The following NTM variants were observed in gnomAD, a reference collection of about 807,000 sequenced individuals.
NTM encodes the protein IgLON family member 2.
Under a neutral mutation model 42.1 loss-of-function variants are expected in NTM, and 13 were observed. The observed-to-expected ratio is 0.31, with a 90% CI of 0.20 to 0.49. NTM has a LOEUF of 0.49. Among genes scored for constraint, NTM ranks in the 20% least tolerant of loss-of-function variants. The pLI is 0.99. For synonymous variants in NTM, 187 were observed against 179.2 expected (o/e 1.04, Z -0.35); for missense variants, 373 against 452.8 (o/e 0.82, Z 1.60).
intron 3 of NTM, among the ~76,000 whole-genome samples, chr11:132,203,619 C>T (rs115902457): frequency 3.0e-3 from 456 of 152,232 alleles, no homozygotes; most frequent in African/African-American, 0.01. Flanking sequence ...AAACACTGCG[C>T]GGTGGCACAT....
chr11:131,487,095 C>T (rs538846173), intron 1 of NTM, among the ~76,000 whole-genome samples: 44 of 152,216 alleles, frequency 2.9e-4, no homozygotes, highest in Non-Finnish European at 5.4e-4. Context: ...GATCCTGGCT[C>T]CACCACCAGG....
chr11:132,018,832 G>A (rs1029278240), intron 2 of NTM, among the ~76,000 whole-genome samples: 2 of 151,926 alleles, frequency 1.3e-5, no homozygotes, highest in Non-Finnish European at 2.9e-5. Context: ...ATTCACTTCC[G>A]AAGTCACAGA....
chr11:132,001,382 C>A (rs892241400), intron 2 of NTM, among the ~76,000 whole-genome samples: 3 of 152,148 alleles, frequency 2.0e-5, no homozygotes, highest in African/African-American at 7.2e-5. Flanking sequence ...GCCATTCTGG[C>A]ATTACTATAA....
At chr11:131,443,694 T>C (rs907260624) in intron 1 of NTM, among the ~76,000 whole-genome samples, 2 of 152,208 alleles carry the variant, frequency 1.3e-5, no homozygotes, top group African/African-American at 4.8e-5. Context: ...GAAGCAGCTA[T>C]GGGAACTCAC....
chr11:132,140,170 G>C (rs2068790966), intron 2 of NTM, among the ~76,000 whole-genome samples: 1 of 152,144 alleles, frequency 6.6e-6, no homozygotes, highest in Non-Finnish European at 1.5e-5. Flanking sequence ...GGGGCATCAG[G>C]AACAGAGCTG....
intron 1 of NTM, among the ~76,000 whole-genome samples, chr11:131,873,993 T>TATAA (rs2048181796): frequency 8.1e-6 from 1 of 123,662 alleles, no homozygotes; most frequent in Admixed American, 1.1e-4. Context: ...ATTATATATA[T>TATAA]TATATTTACA....
intron 1 of NTM, among the ~76,000 whole-genome samples, chr11:131,708,237 ATTC>A (rs2076781002): frequency 6.6e-6 from 1 of 152,166 alleles, no homozygotes; most frequent in African/African-American, 2.4e-5. Context: ...AAAAACATGA[ATTC>A]TTCAATAGTA....
chr11:131,410,649 C>T (rs1341656763), intron 1 of NTM, among the ~76,000 whole-genome samples: 1 of 150,958 alleles, frequency 6.6e-6, no homozygotes, highest in African/African-American at 2.4e-5. Flanking sequence ...GTAATTATGT[C>T]GCCTTAACGG....
intron 2 of NTM, among the ~76,000 whole-genome samples, chr11:132,107,339 CTTTTTTTTTTTTTTTT>C (rs780844735): frequency 2.3e-5 from 2 of 88,858 alleles, no homozygotes; most frequent in African/African-American, 5.0e-5. Flanking sequence ...AAGATTTATC[CTTTTTTTTTTTTTTTT>C]TTTTTTTTTT....
At chr11:131,941,918 C>T (rs1227951740) in intron 2 of NTM, among the ~76,000 whole-genome samples, 1 of 152,130 alleles carries the variant, frequency 6.6e-6, no homozygotes, top group Non-Finnish European at 1.5e-5. Context: ...TATTAAAGAA[C>T]ACACTTACAG....
At chr11:131,678,117 C>A (rs1011707177) in intron 1 of NTM, among the ~76,000 whole-genome samples, 2 of 152,236 alleles carry the variant, frequency 1.3e-5, no homozygotes, top group African/African-American at 4.8e-5. Context: ...TTCCGGGGCC[C>A]CTGGTAACAA....
chr11:132,200,270 G>A (rs1055857380), intron 3 of NTM, among the ~76,000 whole-genome samples: 4 of 152,116 alleles, frequency 2.6e-5, no homozygotes, highest in African/African-American at 7.2e-5. Flanking sequence ...TGTCTTCCTC[G>A]CAGCTGCCTA....
intron 1 of NTM, among the ~76,000 whole-genome samples, chr11:131,905,265 G>C (rs533486618): frequency 1.3e-5 from 2 of 152,330 alleles, no homozygotes; most frequent in East Asian, 3.9e-4. Context: ...CTTCTGGTCT[G>C]AGTCTAAAAC....
In NTM at chr11:131,560,651, T is replaced by C. The variant is rs139001470; in HGVS notation, c.82+189763T>C. Among the ~76,000 whole-genome samples the C allele has an allele frequency of 6.7e-4, 102 of 152,360 alleles. No individual in the cohort carries two copies. In the East Asian group the frequency reaches 0.016, roughly 23 times the overall value. ...TGAAAAAGCCATATTCAAAGCTTAA[T>C]GTATTCTTCATGAAAAACCTTTAAG... On this transcript the variant is annotated intron_variant, in intron 1 of 8. Transcript: ENST00000683400.
At chr11:132,113,515 G>A (rs1056894950) in intron 2 of NTM, among the ~76,000 whole-genome samples, 1 of 152,086 alleles carries the variant, frequency 6.6e-6, no homozygotes, top group South Asian at 2.1e-4. Context: ...GGAAGACCCC[G>A]ACAGCTCTGG....
chr11:131,476,732 T>C (rs950452758), intron 1 of NTM, among the ~76,000 whole-genome samples: 1 of 152,096 alleles, frequency 6.6e-6, no homozygotes, highest in African/African-American at 2.4e-5. Flanking sequence ...GAGGGAACAC[T>C]TTGAAAAGAA....
intron 3 of NTM, among the ~76,000 whole-genome samples, chr11:132,167,315 C>G (rs2075428737): frequency 6.6e-6 from 1 of 152,194 alleles, no homozygotes; most frequent in Admixed American, 6.5e-5. Flanking sequence ...ATTCTCCTGT[C>G]TCAGCTTCCT....
intron 1 of NTM, among the ~76,000 whole-genome samples, chr11:131,619,320 G>GTCTCCCAAATGCTCCCAC: frequency 1.3e-5 from 2 of 152,292 alleles, no homozygotes. Flanking sequence ...AGACTTGCCA[G>GTCTCCCAAATGCTCCCAC]TCTCCCAAAT....
At chr11:132,174,023 C>T (rs556793099) in intron 3 of NTM, among the ~76,000 whole-genome samples, 13 of 152,326 alleles carry the variant, frequency 8.5e-5, no homozygotes, top group African/African-American at 3.1e-4. Flanking sequence ...ATGTCTTATA[C>T]ACCTGTTTGG....
Sources: allele counts gnomAD v4.1 joint callset (sites outside exome capture counted in the v4.1 genomes callset), GRCh38; gene constraint gnomAD v4.1.1; transcripts MANE v1.5; gene names NCBI Gene and HGNC (gene_info 2026-07-23, HGNC 2026-07-21).